ROBO2: variants seen among roughly 807,000 people sequenced by gnomAD.
The protein encoded by ROBO2 is roundabout homolog 2.
Under a neutral mutation model 160.8 loss-of-function variants are expected in ROBO2, and 53 were observed. That is an observed-to-expected ratio of 0.33 (90% CI 0.26 to 0.41). The LOEUF is 0.41. Ranked by LOEUF, ROBO2 falls within the 10% of genes least tolerant of loss-of-function variation. ROBO2 has a pLI of 1.00. For synonymous variants in ROBO2, 664 were observed against 611.7 expected (o/e 1.09, Z -1.26); for missense variants, 1,577 against 1,722.4 (o/e 0.92, Z 1.49).
intron 2 of ROBO2, among the ~76,000 whole-genome samples, chr3:76,107,000 A>T (rs139988973): frequency 6.6e-6 from 1 of 152,300 alleles, no homozygotes; most frequent in East Asian, 1.9e-4. Context: ...GTACATATTC[A>T]TCATTGTAAG....
At chr3:76,633,196 AAAAG>A (rs2090129237) in intron 2 of ROBO2, among the ~76,000 whole-genome samples, 1 of 152,206 alleles carries the variant, frequency 6.6e-6, no homozygotes, top group Admixed American at 6.6e-5. Flanking sequence ...ATCAAAATTT[AAAAG>A]AAAGATGATT....
chr3:77,224,312 T>G (rs751506601), intron 2 of ROBO2, among the ~76,000 whole-genome samples: 3 of 151,948 alleles, frequency 2.0e-5, no homozygotes, highest in South Asian at 2.1e-4. Context: ...AAGCCACAAA[T>G]GTTTGAGTAT....
At chr3:77,296,861 G>A (rs2062186247) in intron 2 of ROBO2, among the ~76,000 whole-genome samples, 1 of 152,078 alleles carries the variant, frequency 6.6e-6, no homozygotes, top group Non-Finnish European at 1.5e-5. Flanking sequence ...TTGGTGCTTT[G>A]CTGATTAGCA....
chr3:76,761,646 C>T (rs1005070382), intron 2 of ROBO2, among the ~76,000 whole-genome samples: 13 of 151,792 alleles, frequency 8.6e-5, no homozygotes, highest in African/African-American at 2.9e-4. Context: ...ATGAGTAATA[C>T]TCTTAAGAGA....
chr3:76,212,473 TC>T (rs1324890603), intron 2 of ROBO2, among the ~76,000 whole-genome samples: 38 of 152,154 alleles, frequency 2.5e-4, no homozygotes, highest in African/African-American at 8.7e-4. Context: ...AAACTTAAGT[TC>T]CAGTTTATAA....
intron 2 of ROBO2, among the ~76,000 whole-genome samples, chr3:76,841,242 A>G (rs1315405531): frequency 6.6e-6 from 1 of 152,202 alleles, no homozygotes; most frequent in Admixed American, 6.5e-5. Flanking sequence ...GGCTAACATT[A>G]TGGACCTAAG....
chr3:76,054,698 T>C (rs2067776181), intron 2 of ROBO2, among the ~76,000 whole-genome samples: 2 of 152,310 alleles, frequency 1.3e-5, no homozygotes, highest in South Asian at 4.1e-4. Context: ...TGCCTATCAG[T>C]GGAGGTCCAT....
At chr3:76,866,488 T>G (rs1037005946) in intron 2 of ROBO2, among the ~76,000 whole-genome samples, 3 of 152,150 alleles carry the variant, frequency 2.0e-5, no homozygotes, top group Non-Finnish European at 4.4e-5. Context: ...AAACTTTAAT[T>G]GCATACCAAA....
intron 7 of ROBO2, 137 bp downstream of exon 8, chr3:77,546,599 A>T (rs1392228742): frequency 6.2e-6 from 7 of 1,123,586 alleles, no homozygotes; most frequent in Non-Finnish European, 9.3e-6. Context: ...GGTGAATGTA[A>T]AAATAAGTAG....
chr3:76,337,592 T>C (rs535005049), intron 2 of ROBO2, among the ~76,000 whole-genome samples: 2 of 152,200 alleles, frequency 1.3e-5, no homozygotes, highest in African/African-American at 2.4e-5. Context: ...TAGTAAGTCA[T>C]AGCCATCATA....
chr3:76,412,901 G>C (rs144635734), intron 2 of ROBO2, among the ~76,000 whole-genome samples: 37 of 152,294 alleles, frequency 2.4e-4, no homozygotes, highest in African/African-American at 8.4e-4. Context: ...TATGTGTGGG[G>C]GCTCTGACCC....
chr3:76,328,478 A>G (rs2073198750), intron 2 of ROBO2, among the ~76,000 whole-genome samples: 1 of 152,174 alleles, frequency 6.6e-6, no homozygotes, highest in South Asian at 2.1e-4. Flanking sequence ...AAAATATGTT[A>G]TTAGTTTGGA....
At chr3:76,590,808 C>A (rs75292206) in intron 2 of ROBO2, among the ~76,000 whole-genome samples, 14,464 of 151,958 alleles carry the variant, frequency 0.095, 903 homozygotes, top group East Asian at 0.25. Flanking sequence ...TAAAATAAAT[C>A]ATCTTCAGAC....
intron 2 of ROBO2, among the ~76,000 whole-genome samples, chr3:76,098,087 CAT>C (rs1035100970): frequency 3.6e-4 from 55 of 152,180 alleles, no homozygotes; most frequent in African/African-American, 1.3e-3. Context: ...TCTCCATACA[CAT>C]GTCTCTCCTT....
At chr3:77,251,621 G>A (rs746979198) in intron 2 of ROBO2, among the ~76,000 whole-genome samples, 1 of 152,036 alleles carries the variant, frequency 6.6e-6, no homozygotes, top group African/African-American at 2.4e-5. Flanking sequence ...GTTGCGTCCC[G>A]ACCCGAATCT....
intron 2 of ROBO2, among the ~76,000 whole-genome samples, chr3:76,214,364 C>T (rs1473554604): frequency 1.3e-5 from 2 of 152,194 alleles, no homozygotes; most frequent in Non-Finnish European, 2.9e-5. Flanking sequence ...CAGGACGAGG[C>T]ATTGCCTCAC....
At chr3:76,952,751 A>C (rs369385555) in intron 2 of ROBO2, among the ~76,000 whole-genome samples, 2 of 152,106 alleles carry the variant, frequency 1.3e-5, no homozygotes, top group African/African-American at 4.8e-5. Context: ...AAATAATGAT[A>C]CAATTCATAC....
intron 16 of ROBO2, among the ~76,000 whole-genome samples, chr3:77,583,333 T>C (rs1291204700): frequency 1.3e-5 from 2 of 151,920 alleles, no homozygotes; most frequent in Non-Finnish European, 2.9e-5. Flanking sequence ...TCCCTGTTTC[T>C]TTCCCTTCTG....
intron 2 of ROBO2, among the ~76,000 whole-genome samples, chr3:75,998,803 T>G (rs1484904824): frequency 6.6e-6 from 1 of 152,218 alleles, no homozygotes; most frequent in Non-Finnish European, 1.5e-5. Context: ...TAGTAAGGAC[T>G]GTGATGTCCA....
Sources: gnomAD v4.1 joint callset for allele counts (sites outside exome capture counted in the v4.1 genomes callset) on GRCh38, gnomAD v4.1.1 for gene constraint, MANE v1.5 for transcripts, NCBI Gene and HGNC (gene_info 2026-07-23, HGNC 2026-07-21) for gene names.